Variants in AP3B1 observed in about 807,000 individuals in gnomAD.
The protein encoded by AP3B1 is adaptor related protein complex 3 subunit beta 1.
AP3B1 carries 61 observed loss-of-function variants against 132.5 expected under a neutral mutation model. That is an observed-to-expected ratio of 0.46 (90% CI 0.37 to 0.57). AP3B1 has a LOEUF of 0.57. Among genes scored for constraint, AP3B1 ranks in the 20% least tolerant of loss-of-function variants. The pLI is 0.00. For missense variants in AP3B1, 1,120 were observed against 1,289.4 expected, an observed-to-expected ratio of 0.87 and a Z score of 2.01; for synonymous variants, 388 against 438.3, an observed-to-expected ratio of 0.89 and a Z score of 1.43.
intron 3 of AP3B1, 80 bp from the exon 4 acceptor site, chr5:78,228,319 A>G: frequency 2.3e-6 from 2 of 879,974 alleles, no homozygotes; most frequent in East Asian, 2.6e-5. Context: ...TCCATGCTCA[A>G]TTCTTCTCAA....
intron 22 of AP3B1, among the ~76,000 whole-genome samples, chr5:78,084,482 C>A (rs1035128699): frequency 1.5e-5 from 2 of 129,172 alleles, no homozygotes; most frequent in African/African-American, 6.1e-5. Flanking sequence ...CAAGATCACA[C>A]CAATGTACTC....
rs70997968 is a variant in AP3B1 at position 78,117,172 on chromosome 5, C to CTTTTT, written c.1969-943_1969-939dup. 4.3e-4 allele frequency among the ~76,000 whole-genome samples: 53 copies of CTTTTT among 122,206 alleles called. 1 individual carries two copies. The highest frequency in any genetic ancestry group is 1.6e-3 in the African/African-American group (52 of 31,576). 80.2% of individuals were successfully genotyped at this position (122,206 alleles called of 152,430 possible). ...CACTTCCAACACCATTCCCCACCAC[C>CTTTTT]TTTTTTTTTTTTTTTTTTTTAATCA... On this transcript the variant is annotated intron_variant, in intron 17 of 26. Coordinates refer to ENST00000255194, the MANE Select transcript of AP3B1 (RefSeq NM_003664.5).
At chr5:78,107,783 G>A (rs1751399361) in intron 20 of AP3B1, among the ~76,000 whole-genome samples, 1 of 152,098 alleles carries the variant, frequency 6.6e-6, no homozygotes, top group African/African-American at 2.4e-5. Context: ...GAAAAAAAAA[G>A]AGCAGGATAC....
At chr5:78,067,761 C>T (rs1387776696) in intron 22 of AP3B1, among the ~76,000 whole-genome samples, 1 of 152,082 alleles carries the variant, frequency 6.6e-6, no homozygotes, top group African/African-American at 2.4e-5. Context: ...GCAGCCAAAG[C>T]AGTGTTAAGA....
chr5:78,062,940 C>T (rs1442393482), intron 22 of AP3B1, among the ~76,000 whole-genome samples: 1 of 152,124 alleles, frequency 6.6e-6, no homozygotes, highest in African/African-American at 2.4e-5. Context: ...AGGTCAAATG[C>T]TTGTTTCTAC....
At chr5:78,149,723 G>A (rs1452446162) in intron 14 of AP3B1, among the ~76,000 whole-genome samples, 1 of 152,168 alleles carries the variant, frequency 6.6e-6, no homozygotes, top group African/African-American at 2.4e-5. Context: ...CATGAAGCTA[G>A]TAAAAGGTAC....
At chr5:78,219,945 A>G (rs1268068983) in intron 6 of AP3B1, among the ~76,000 whole-genome samples, 1 of 152,156 alleles carries the variant, frequency 6.6e-6, no homozygotes, top group Non-Finnish European at 1.5e-5. Flanking sequence ...GGCAACAAAT[A>G]AATTCCTTTT....
intron 22 of AP3B1, among the ~76,000 whole-genome samples, chr5:78,050,977 T>A (rs907047942): frequency 2.6e-5 from 4 of 152,166 alleles, no homozygotes; most frequent in African/African-American, 9.7e-5. Flanking sequence ...TTACACAGCA[T>A]ATGTTTAAAT....
intron 16 of AP3B1, among the ~76,000 whole-genome samples, chr5:78,128,880 TTAGAA>T (rs1752574111): frequency 6.6e-6 from 1 of 152,076 alleles, no homozygotes; most frequent in African/African-American, 2.4e-5. Context: ...AGTTTAAATG[TTAGAA>T]TAAAGTCAGA....
intron 21 of AP3B1, among the ~76,000 whole-genome samples, chr5:78,098,897 A>T (rs746349681): frequency 6.6e-6 from 1 of 152,014 alleles, no homozygotes; most frequent in Non-Finnish European, 1.5e-5. Flanking sequence ...GAAAAATGCC[A>T]TGAAGACAAG....
chr5:78,177,475 C>G (rs1476635153), intron 8 of AP3B1, 39 bp from the exon 9 acceptor site: 1 of 1,393,666 alleles, frequency 7.2e-7, no homozygotes, highest in Non-Finnish European at 1.0e-6. Flanking sequence ...ACTATGAACA[C>G]TAGAGCACTC....
intron 20 of AP3B1, among the ~76,000 whole-genome samples, chr5:78,109,510 G>A (rs987219494): frequency 1.9e-4 from 29 of 152,078 alleles, no homozygotes; most frequent in Non-Finnish European, 3.5e-4. Context: ...TACTATACTT[G>A]AAGTCTAGCA....
intron 3 of AP3B1, among the ~76,000 whole-genome samples, chr5:78,232,886 T>C (rs138206641): frequency 0.014 from 2,149 of 152,172 alleles, 58 homozygotes; most frequent in African/African-American, 0.049. Flanking sequence ...TTTGTATTTT[T>C]AGTAGAGACA....
At chr5:78,054,994 A>AAGAC (rs1056394395) in intron 22 of AP3B1, among the ~76,000 whole-genome samples, 1 of 147,252 alleles carries the variant, frequency 6.8e-6, no homozygotes. Flanking sequence ...CTGAGACCAT[A>AAGAC]AGACAGACAG....
intron 25 of AP3B1, among the ~76,000 whole-genome samples, chr5:78,020,025 T>C (rs1747025972): frequency 6.6e-6 from 1 of 152,110 alleles, no homozygotes; most frequent in Admixed American, 6.6e-5. Context: ...TCTCCCCTTA[T>C]TCACATACGA....
At chr5:78,209,241 C>T (rs1375522894) in intron 7 of AP3B1, among the ~76,000 whole-genome samples, 8 of 152,104 alleles carry the variant, frequency 5.3e-5, no homozygotes, top group Admixed American at 5.2e-4. Flanking sequence ...TGCCTCATTA[C>T]ACCCTCCTCC....
chr5:78,207,215 G>A (rs981007108), intron 7 of AP3B1, among the ~76,000 whole-genome samples: 2 of 148,396 alleles, frequency 1.3e-5, no homozygotes, highest in African/African-American at 5.0e-5. Context: ...CCAAGATCGT[G>A]CCACTGTACT....
chr5:78,239,607 C>T (rs942538820), intron 3 of AP3B1, among the ~76,000 whole-genome samples: 1 of 137,224 alleles, frequency 7.3e-6, no homozygotes, highest in Admixed American at 7.3e-5. Context: ...AACCCTGTCT[C>T]TACAAAAAAA....
intron 1 of AP3B1, among the ~76,000 whole-genome samples, chr5:78,279,373 G>A (rs1167702470): frequency 6.6e-6 from 1 of 152,174 alleles, no homozygotes; most frequent in Non-Finnish European, 1.5e-5. Flanking sequence ...TATGAAGCGT[G>A]TGTAGCTATT....
Sources: allele counts gnomAD v4.1 joint callset (sites outside exome capture counted in the v4.1 genomes callset), GRCh38; gene constraint gnomAD v4.1.1; transcripts MANE v1.5; gene names NCBI Gene and HGNC (gene_info 2026-07-23, HGNC 2026-07-21).